FCHO1: variants seen among roughly 807,000 people sequenced by gnomAD.
The protein encoded by FCHO1 is F-BAR domain only protein 1.
Under a neutral mutation model 114.4 loss-of-function variants are expected in FCHO1, and 45 were observed. That is an observed-to-expected ratio of 0.39 (90% confidence interval 0.31 to 0.50). The LOEUF (loss-of-function observed/expected upper bound fraction) is 0.50. FCHO1 is among the 20% of genes least tolerant of loss of function. The probability of loss-of-function intolerance (pLI) is 0.77; values close to 1 mark genes in which losing one functional copy is unlikely to be tolerated. For missense variants in FCHO1, 1,042 were observed against 1,209.6 expected, an observed-to-expected ratio of 0.86 and a Z score of 2.06; for synonymous variants, 480 against 488.9, an observed-to-expected ratio of 0.98 and a Z score of 0.24.
intron 23 of FCHO1, among the ~76,000 whole-genome samples, 168 bp from the exon 24 acceptor site, chr19:17,782,847 GCA>G (rs1229547857): frequency 2.0e-5 from 3 of 152,086 alleles, no homozygotes; most frequent in Admixed American, 1.3e-4. Context: ...TCCTGTCCAG[GCA>G]GGAATGAAAG....
intron 26 of FCHO1, among the ~76,000 whole-genome samples, chr19:17,785,660 C>T (rs1251650370): frequency 6.6e-6 from 1 of 151,884 alleles, no homozygotes; most frequent in Non-Finnish European, 1.5e-5. Flanking sequence ...GGTGAAACCC[C>T]GTCTCTACTA....
At chr19:17,761,905 C>A (rs553185311) in intron 4 of FCHO1, among the ~76,000 whole-genome samples, 1 of 151,222 alleles carries the variant, frequency 6.6e-6, no homozygotes, top group African/African-American at 2.4e-5. Context: ...ATGGTCCGCC[C>A]GCCTCAGCCT....
At position 17,788,395 on chromosome 19, in the gene FCHO1, A is replaced by C; in HGVS notation, c.*89A>C. On this transcript the variant is annotated 3_prime_UTR_variant, in exon 29 of 29. Coordinates refer to ENST00000596536, the MANE Select transcript of FCHO1 (RefSeq NM_015122.3). ...CTCCTGCCGGACCCTGGGGCCTCCC[A>C]CCCCAGCCTCCCTGAGGCCCATACT... 1 of 984,490 alleles carries C rather than the reference A, an allele frequency of 1.0e-6. No homozygotes were observed. 61.0% of individuals were successfully genotyped at this position (984,490 alleles called of 1,614,324 possible).
rs35570531 is a variant in FCHO1, at chr19:17,783,259, A to ATT, written c.2093+92_2093+93dup. 0.037 allele frequency: 40,660 copies of ATT among 1,100,472 alleles called. 205 individuals are homozygous for ATT. Among genetic ancestry groups the ATT allele is most frequent in the South Asian group, 0.06 (3,491 of 58,600 alleles). 68.2% of individuals were successfully genotyped at this position (1,100,472 alleles called of 1,614,324 possible). A position where few individuals can be genotyped will look rare whatever the true frequency, so the allele number is the denominator to read the frequency against. On this transcript the variant is annotated intron_variant, in intron 24 of 28. Coordinates refer to ENST00000596536, the MANE Select transcript of FCHO1 (RefSeq NM_015122.3). ...CTGAGTTCCCTCTCTGCTTCCTGGG[A>ATT]TTTTTTCTTTTCTTTTTTTTTTGTA...
chr19:17,775,535 G>T lies in FCHO1; in HGVS notation c.1003+22G>T. On this transcript the variant is annotated intron_variant, in intron 15 of 28. Coordinates refer to ENST00000596536, the MANE Select transcript of FCHO1 (RefSeq NM_015122.3). The surrounding 1 kb of genome is among the most constrained non-coding windows in gnomAD (Gnocchi z 5.1). ...AACAATATCCTTCTGGCACCCCCTGGGGGCAGTTGTTGGCACAGCAAGGAC... is the reference window on the plus strand; with the variant it reads ...AACAATATCCTTCTGGCACCCCCTGTGGGCAGTTGTTGGCACAGCAAGGAC... 1.9e-6 allele frequency: 3 copies of T among 1,612,454 alleles called. No homozygotes were observed. The highest frequency in any genetic ancestry group is 2.5e-6 in the Non-Finnish European group (3 of 1,178,768).
At chr19:17,759,853 T>G (rs2085360862) in intron 4 of FCHO1, among the ~76,000 whole-genome samples, 2 of 152,096 alleles carry the variant, frequency 1.3e-5, no homozygotes, top group Non-Finnish European at 2.9e-5. Context: ...TGGTCTTGCT[T>G]TTAGCCTTTT....
In FCHO1 at chr19:17,786,538, C is replaced by T. The variant is rs200565298; in HGVS notation, c.2427-36C>T. The stretch of plus-strand genomic sequence containing the variant: ...GGACCCTGGGCTCTCAGCATCCTCT[C>T]TGGGGAAGCCCTGATTAAGATTCTT... On this transcript the variant is annotated intron_variant, in intron 26 of 28. Coordinates refer to ENST00000596536, the MANE Select transcript of FCHO1 (RefSeq NM_015122.3). The T allele has an allele frequency of 5.1e-5, 82 of 1,608,950 alleles. No individual in the cohort carries two copies. In the African/African-American group the frequency reaches 1.0e-3, roughly 20 times the overall value.
At position 17,762,759 on chromosome 19, in the gene FCHO1, C is replaced by T. The variant is rs1345164601; in HGVS notation, c.28-3C>T. 1.2e-6 allele frequency: 2 copies of T among 1,609,040 alleles called. No homozygotes were observed. The highest frequency in any genetic ancestry group is 2.7e-5 in the African/African-American group (2 of 74,812). On this transcript the variant is annotated splice_region_variant and splice_polypyrimidine_tract_variant and intron_variant, in intron 4 of 28. Coordinates refer to ENST00000596536, the MANE Select transcript of FCHO1 (RefSeq NM_015122.3). The stretch of plus-strand genomic sequence containing the variant: ...TCTCAATCTCTATTCCCATCCCCTG[C>T]AGGGCGAGAAAAATCATGGCTTTGA...
In FCHO1 at chr19:17,763,368, A is replaced by G. The variant is rs1439606187; in HGVS notation, c.119+515A>G. On this transcript the variant is annotated intron_variant, in intron 5 of 28. Transcript: ENST00000596536. ...AACCTCTGCCTCCCGGGTTCCAGCA[A>G]TTCTCCTGCCTCAGCCTCCCAAGTA... is the stretch of plus-strand genomic sequence containing the variant. Among the ~76,000 whole-genome samples, 3 of 149,676 alleles carry G rather than the reference A, an allele frequency of 2.0e-5. No individual in the cohort carries two copies. In the Admixed American group the frequency reaches 2.0e-4, roughly 10 times the overall value.
intron 28 of FCHO1, 164 bp from the exon 29 acceptor site, chr19:17,788,120 G>A (rs1023376155): frequency 1.2e-5 from 8 of 675,354 alleles, no homozygotes; most frequent in Non-Finnish European, 2.2e-5. Flanking sequence ...CTGTTCTCCT[G>A]CCCCCAACAA....
chr19:17,774,273 C>A lies in FCHO1; in HGVS notation c.825C>A (p.Ala275=). ...ACTTCGAGGCATACAGTGCGGCTGCCCTGCAGGAAGGCAAGTACGTCTGGG... is the reference window on the plus strand; with the variant it reads ...ACTTCGAGGCATACAGTGCGGCTGCACTGCAGGAAGGCAAGTACGTCTGGG... The part of the protein sequence containing the change: ...PLDFEAYSAA[A]LQEAMKRLRG... The change falls in exon 12 of 29, where the codon GCC becomes GCA. Residue 275 remains alanine, a synonymous_variant. Transcript: ENST00000596536. 2.5e-6 allele frequency: 4 copies of A among 1,614,114 alleles called. No homozygotes were observed. The highest frequency in any genetic ancestry group is 3.4e-6 in the Non-Finnish European group (4 of 1,180,022).
intron 26 of FCHO1, 83 bp downstream of exon 26, chr19:17,785,007 G>T: frequency 7.1e-7 from 1 of 1,404,858 alleles, no homozygotes; most frequent in Non-Finnish European, 9.8e-7. Context: ...TGATTAAAGG[G>T]TGCACCCTCG....
chr19:17,759,473 T>A (rs1239758175), intron 4 of FCHO1, among the ~76,000 whole-genome samples: 1 of 151,570 alleles, frequency 6.6e-6, no homozygotes, highest in Non-Finnish European at 1.5e-5. Context: ...TTTGCCCGCC[T>A]CAGCCTCCTG....
chr19:17,769,630 CACAA>C (rs1356107297), intron 7 of FCHO1, among the ~76,000 whole-genome samples: 2 of 125,968 alleles, frequency 1.6e-5, no homozygotes, highest in Middle Eastern at 8.5e-3. Flanking sequence ...CACACACACA[CACAA>C]AACGGTGAGT....
intron 5 of FCHO1, 35 bp from the exon 6 acceptor site, chr19:17,764,340 C>A (rs747410983): frequency 1.2e-6 from 2 of 1,604,088 alleles, no homozygotes; most frequent in Admixed American, 1.7e-5. Context: ...TGCGCCCGGG[C>A]AGTTTCTCCA....
intron 13 of FCHO1, 28 bp downstream of exon 13, chr19:17,774,506 C>T: frequency 6.3e-7 from 1 of 1,589,896 alleles, no homozygotes; most frequent in Non-Finnish European, 8.6e-7. Flanking sequence ...CCCGGTCTGG[C>T]CCAGGCTAGA....
In FCHO1 at chr19:17,770,448, C is replaced by T. The variant is rs770650778; in HGVS notation, c.360C>T (p.Thr120=). The T allele has an allele frequency of 2.5e-6, 4 of 1,613,298 alleles. No homozygotes were observed. Among genetic ancestry groups the T allele is most frequent in the Non-Finnish European group, 2.5e-6 (3 of 1,179,758 alleles). The change falls in exon 8 of 29, where the codon ACC becomes ACT. Residue 120 remains threonine (T), a synonymous_variant. Coordinates refer to ENST00000596536, the MANE Select transcript of FCHO1 (RefSeq NM_015122.3). ...AGTGCAAGGAGGAAGTGGTGAGCACCTTGGATGCTGTGCAGGTACTCTCGG... is the reference window on the plus strand; with the variant it reads ...AGTGCAAGGAGGAAGTGGTGAGCACTTTGGATGCTGTGCAGGTACTCTCGG... ...HKKCKEEVVS[T]LDAVQVLSGV... is the part of the protein sequence containing the mutation.
At chr19:17,750,792 G>A (rs576945798), upstream of FCHO1, among the ~76,000 whole-genome samples, 173 of 150,656 alleles carry the variant, frequency 1.1e-3, 2 homozygotes, top group South Asian at 2.5e-3. Flanking sequence ...GAAGGAAAGC[G>A]CTCATGAATG....
chr19:17,780,878 G>A (rs1279712931), intron 20 of FCHO1, among the ~76,000 whole-genome samples: 1 of 152,204 alleles, frequency 6.6e-6, no homozygotes, highest in Non-Finnish European at 1.5e-5. Flanking sequence ...CTGCAGTCAG[G>A]TTCTCGGAAA....
Sources: allele counts gnomAD v4.1 joint callset (sites outside exome capture counted in the v4.1 genomes callset), GRCh38; gene constraint gnomAD v4.1.1; non-coding constraint Gnocchi (gnomAD v3.1); transcripts MANE v1.5; gene names NCBI Gene and HGNC (gene_info 2026-07-23, HGNC 2026-07-21).